The following APLP2 variants were observed in gnomAD, a reference collection of about 807,000 sequenced individuals.
APLP2 encodes amyloid beta precursor like protein 2.
A neutral mutation model predicts 89.9 loss-of-function variants in APLP2; 53 were observed. The observed-to-expected ratio is 0.59, with a 90% CI of 0.47 to 0.74. The LOEUF (loss-of-function observed/expected upper bound fraction) is 0.74, where lower values mean the gene tolerates loss of function less well. Ranked by LOEUF, APLP2 falls within the 30% of genes least tolerant of loss-of-function variation. The pLI is 0.00. For synonymous variants in APLP2, 372 were observed against 348.6 expected, an observed-to-expected ratio of 1.07 and a Z score of -0.75; for missense variants, 973 against 975.9, an observed-to-expected ratio of 1.00 and a Z score of 0.04.
chr11:130,122,499 C>T lies in APLP2; in HGVS notation c.908C>T (p.Thr303Ile), dbSNP rs777479767. The T allele has an allele frequency of 8.7e-6, 14 of 1,613,910 alleles. No individual in the cohort carries two copies. Among genetic ancestry groups the T allele is most frequent in the African/African-American group, 4.0e-5 (3 of 74,906 alleles). Reference sequence around the variant, plus strand: ...GGCACCATGTCAGACAAGGAAATTACTCATGATGTCAAAGGTAACCCCATG... The same window carrying T: ...GGCACCATGTCAGACAAGGAAATTATTCATGATGTCAAAGGTAACCCCATG... ...SDGTMSDKEITHDVKAVCSQE... is the reference protein window; with the variant it reads ...SDGTMSDKEIIHDVKAVCSQE... Residue 303 changes from threonine (T) to isoleucine (I), a missense_variant, in exon 6 of 17, where the codon ACT becomes ATT. Coordinates refer to ENST00000338167, the MANE Select transcript of APLP2 (RefSeq NM_001142276.2).
intron 1 of APLP2, chr11:130,100,524 C>G (rs1012632223): frequency 6.6e-6 from 1 of 152,118 alleles, no homozygotes; most frequent in African/African-American, 2.4e-5. Flanking sequence ...ATGTCAGAGA[C>G]ACATACTGAA....
chr11:130,139,068 C>T (rs769606493), intron 13 of APLP2: 3 of 152,196 alleles, frequency 2.0e-5, no homozygotes, highest in Non-Finnish European at 4.4e-5. Context: ...TTCCAGATCC[C>T]TCTTTCTCAA....
At chr11:130,099,442 A>G (rs985941495) in intron 1 of APLP2, among the ~76,000 whole-genome samples, 1 of 152,238 alleles carries the variant, frequency 6.6e-6, no homozygotes, top group Non-Finnish European at 1.5e-5. Flanking sequence ...AGGAAGCAGA[A>G]TGTCCATCAG....
intron 16 of APLP2, among the ~76,000 whole-genome samples, chr11:130,142,422 A>G (rs1298123636): frequency 6.6e-6 from 1 of 152,076 alleles, no homozygotes; most frequent in Non-Finnish European, 1.5e-5. Flanking sequence ...GGAAATTTAG[A>G]AAGTGCTGAA....
chr11:130,128,445 A>G lies in APLP2; in HGVS notation c.1297-603A>G, dbSNP rs532370726. On this transcript the variant is annotated intron_variant, in intron 9 of 16. Coordinates refer to ENST00000338167, the MANE Select transcript of APLP2 (RefSeq NM_001142276.2). ...AAAAATAATCTTAAAAGGCTTTTTT[A>G]TTGATCACTTAGAAAATCTAACAGT... Among the ~76,000 whole-genome samples, 10 of 152,328 alleles carry G rather than the reference A, an allele frequency of 6.6e-5. No homozygotes were observed. In the South Asian group the frequency reaches 2.1e-3, roughly 32 times the overall value.
intron 3 of APLP2, 96 bp from the exon 4 acceptor site, chr11:130,120,610 C>A: frequency 1.2e-6 from 1 of 848,968 alleles, no homozygotes; most frequent in Non-Finnish European, 2.0e-6. Flanking sequence ...TGAGACTGCT[C>A]CTGGCTGTGT....
chr11:130,122,207 T>C, intron 5 of APLP2, 98 bp from the exon 6 acceptor site: 1 of 1,400,920 alleles, frequency 7.1e-7, no homozygotes, highest in African/African-American at 1.4e-5. Flanking sequence ...GCTTATTTCC[T>C]GCCTCTGTTT....
chr11:130,122,565 T>G (rs1266346724), intron 6 of APLP2, 52 bp downstream of exon 6: 3 of 1,609,280 alleles, frequency 1.9e-6, no homozygotes, highest in Non-Finnish European at 2.5e-6. Flanking sequence ...ATTATTCACT[T>G]AGACTTTTGC....
intron 11 of APLP2, among the ~76,000 whole-genome samples, chr11:130,131,929 T>G (rs567038871): frequency 2.6e-5 from 4 of 152,346 alleles, no homozygotes; most frequent in African/African-American, 9.6e-5. Context: ...AAAGCTTACC[T>G]TCTGCCTTGT....
intron 1 of APLP2, among the ~76,000 whole-genome samples, chr11:130,088,304 G>T (rs563127451): frequency 2.6e-5 from 4 of 152,276 alleles, no homozygotes; most frequent in Non-Finnish European, 5.9e-5. Flanking sequence ...TCATTGTTCA[G>T]GGAAGGCTGC....
chr11:130,122,815 C>A (rs772451401), intron 6 of APLP2, among the ~76,000 whole-genome samples: 2 of 152,184 alleles, frequency 1.3e-5, no homozygotes, highest in Non-Finnish European at 2.9e-5. Context: ...TGTTCCCTCC[C>A]CAAGGGGAGC....
rs79490460 is a variant in APLP2 at position 130,143,828 on chromosome 11, C to T, written c.*380C>T. ...TAGACTTATATGCAGGCTGTCGTTCCGGTTATGTTGTGTAAGTCAACTCTT... is the reference window on the plus strand; with the variant it reads ...TAGACTTATATGCAGGCTGTCGTTCTGGTTATGTTGTGTAAGTCAACTCTT... On this transcript the variant is annotated 3_prime_UTR_variant, in exon 17 of 17. Transcript: ENST00000338167. The T allele has an allele frequency of 2.1e-3, 376 of 182,954 alleles. 2 individuals are homozygous for T. The highest frequency in any genetic ancestry group is 8.4e-3 in the African/African-American group (352 of 42,034). 11.3% of individuals were successfully genotyped at this position (182,954 alleles called of 1,614,324 possible). A position where few individuals can be genotyped will look rare whatever the true frequency, so the allele number is the denominator to read the frequency against.
intron 3 of APLP2, among the ~76,000 whole-genome samples, chr11:130,115,121 C>T (rs955536815): frequency 6.6e-6 from 1 of 152,162 alleles, no homozygotes; most frequent in Non-Finnish European, 1.5e-5. Context: ...TGTTTTCTCC[C>T]ACCTGGGTAC....
At chr11:130,142,446 G>A (rs1308308527) in intron 16 of APLP2, among the ~76,000 whole-genome samples, 2 of 152,026 alleles carry the variant, frequency 1.3e-5, no homozygotes, top group Admixed American at 6.5e-5. Flanking sequence ...GACTGTTTCT[G>A]TTCTGTCTTC....
At chr11:130,073,473 T>A (rs73583425) in intron 1 of APLP2, among the ~76,000 whole-genome samples, 5,536 of 152,306 alleles carry the variant, frequency 0.036, 321 homozygotes, top group African/African-American at 0.12. Context: ...CCCAACATGC[T>A]CTTAAGTATT....
intron 13 of APLP2, among the ~76,000 whole-genome samples, chr11:130,136,670 A>G (rs889078596): frequency 6.6e-6 from 1 of 152,196 alleles, no homozygotes; most frequent in Non-Finnish European, 1.5e-5. Flanking sequence ...TTTCTAAACT[A>G]GCGATCCCAG....
chr11:130,091,239 C>T (rs1945059683), intron 1 of APLP2, among the ~76,000 whole-genome samples: 1 of 134,562 alleles, frequency 7.4e-6, no homozygotes, highest in Non-Finnish European at 1.6e-5. Context: ...CCACCTCCCT[C>T]CCGCACGGGG....
chr11:130,138,624 T>C (rs2324000), intron 13 of APLP2, among the ~76,000 whole-genome samples: 139,792 of 140,870 alleles, frequency 0.99, 69,365 homozygotes, highest in East Asian at 1. Flanking sequence ...GTCTTGCTGT[T>C]GCCCAGGCTG....
At chr11:130,139,313 C>G (rs1440889851) in intron 13 of APLP2, 2 of 152,216 alleles carry the variant, frequency 1.3e-5, no homozygotes, top group Admixed American at 1.3e-4. Flanking sequence ...GTGGTTGTGC[C>G]TTGTGCCATT....
Sources: allele counts gnomAD v4.1 joint callset (sites outside exome capture counted in the v4.1 genomes callset), GRCh38; gene constraint gnomAD v4.1.1; transcripts MANE v1.5; gene names NCBI Gene and HGNC (gene_info 2026-07-23, HGNC 2026-07-21).